GPC6: variants seen among roughly 807,000 people sequenced by gnomAD.
The protein encoded by GPC6 is glypican 6.
GPC6 carries 14 observed loss-of-function variants against 55.2 expected under a neutral mutation model. That is an observed-to-expected ratio of 0.25 (90% CI 0.17 to 0.40). The LOEUF is 0.40. Ranked by LOEUF, GPC6 falls within the 10% of genes least tolerant of loss-of-function variation. GPC6 has a pLI of 1.00. For missense variants in GPC6, 641 were observed against 708.5 expected (o/e 0.90, Z 1.08); for synonymous variants, 278 against 259.6 (o/e 1.07, Z -0.68).
intron 2 of GPC6, among the ~76,000 whole-genome samples, chr13:93,776,918 A>T (rs557149214): frequency 2.0e-5 from 3 of 152,196 alleles, no homozygotes; most frequent in Non-Finnish European, 4.4e-5. Context: ...ATGACAAACT[A>T]TACGGAACAG....
chr13:94,380,670 A>G lies in GPC6; in HGVS notation c.1153-1744A>G, dbSNP rs756909483. On this transcript the variant is annotated intron_variant, in intron 6 of 8. Transcript: ENST00000377047. ...AGCGTGTGTCTCCCAAGAGTACAGT[A>G]TTCTCCTGTGTTACCACAGTATGAT... 1.2e-4 allele frequency among the ~76,000 whole-genome samples: 18 copies of G among 152,322 alleles called. No homozygotes were observed. The East Asian group carries it at 3.1e-3, about 26-fold the overall frequency.
chr13:93,892,090 TACAC>T (rs1166159170), intron 3 of GPC6, among the ~76,000 whole-genome samples: 7 of 152,096 alleles, frequency 4.6e-5, no homozygotes, highest in African/African-American at 7.2e-5. Flanking sequence ...ACACTACACA[TACAC>T]ACATATATGG....
At chr13:93,288,302 G>A (rs963260102) in intron 1 of GPC6, among the ~76,000 whole-genome samples, 17 of 152,218 alleles carry the variant, frequency 1.1e-4, no homozygotes, top group African/African-American at 3.9e-4. Flanking sequence ...AAATCCTGAA[G>A]AAATGGGATC....
At chr13:93,652,054 A>C (rs1313026811) in intron 2 of GPC6, among the ~76,000 whole-genome samples, 6 of 152,212 alleles carry the variant, frequency 3.9e-5, no homozygotes, top group African/African-American at 1.4e-4. Flanking sequence ...GTTTAAGAAA[A>C]GTAAAACCAT....
At chr13:93,296,910 G>A (rs114265953) in intron 1 of GPC6, among the ~76,000 whole-genome samples, 349 of 152,262 alleles carry the variant, frequency 2.3e-3, no homozygotes, top group African/African-American at 7.8e-3. Context: ...CAAACATGGA[G>A]GAGCAGCCAT....
intron 1 of GPC6, among the ~76,000 whole-genome samples, chr13:93,304,575 T>A (rs1271608126): frequency 1.3e-5 from 2 of 152,224 alleles, no homozygotes; most frequent in African/African-American, 4.8e-5. Flanking sequence ...TTTCACTATG[T>A]TTTGGAGAAC....
At chr13:93,519,958 G>GT (rs1373720640) in intron 1 of GPC6, among the ~76,000 whole-genome samples, 2 of 151,922 alleles carry the variant, frequency 1.3e-5, no homozygotes, top group Non-Finnish European at 2.9e-5. Context: ...ATGAAACAGT[G>GT]TAACTATTCT....
chr13:94,152,244 A>C (rs1300122103), intron 4 of GPC6, among the ~76,000 whole-genome samples: 2 of 152,242 alleles, frequency 1.3e-5, no homozygotes, highest in East Asian at 3.9e-4. Context: ...CCAGGGATGG[A>C]TTTGCTTTAG....
intron 1 of GPC6, among the ~76,000 whole-genome samples, chr13:93,356,228 A>G (rs1210077947): frequency 6.6e-6 from 1 of 152,214 alleles, no homozygotes; most frequent in Non-Finnish European, 1.5e-5. Context: ...AATTCATACA[A>G]TTAATCTTCT....
chr13:93,708,880 C>T (rs1882948300), intron 2 of GPC6, among the ~76,000 whole-genome samples: 1 of 151,690 alleles, frequency 6.6e-6, no homozygotes, highest in Non-Finnish European at 1.5e-5. Context: ...TCATTAGTAA[C>T]ATTTGTGCTT....
intron 1 of GPC6, among the ~76,000 whole-genome samples, chr13:93,323,386 G>A (rs1362153855): frequency 1.3e-5 from 2 of 152,094 alleles, no homozygotes; most frequent in African/African-American, 2.4e-5. Context: ...CCTACCAATG[G>A]CCTCTCATAG....
intron 3 of GPC6, among the ~76,000 whole-genome samples, chr13:93,936,792 T>C (rs1314628198): frequency 3.3e-5 from 5 of 152,212 alleles, no homozygotes; most frequent in Admixed American, 6.5e-5. Context: ...ATTTTCAGAT[T>C]CTATAAATTA....
intron 6 of GPC6, among the ~76,000 whole-genome samples, chr13:94,342,425 G>A (rs1265863230): frequency 1.3e-5 from 2 of 152,126 alleles, no homozygotes; most frequent in Non-Finnish European, 2.9e-5. Context: ...GAAGAACACC[G>A]TGTAAAGACA....
chr13:93,750,316 G>A (rs1414754486), intron 2 of GPC6, among the ~76,000 whole-genome samples: 2 of 152,146 alleles, frequency 1.3e-5, no homozygotes, highest in African/African-American at 4.8e-5. Context: ...AGAATACAAG[G>A]AGCTACTGCT....
At chr13:93,308,075 G>A (rs1224802939) in intron 1 of GPC6, among the ~76,000 whole-genome samples, 4 of 152,158 alleles carry the variant, frequency 2.6e-5, no homozygotes, top group Non-Finnish European at 5.9e-5. Flanking sequence ...ACGAAGTCAG[G>A]AGATCGAGAC....
chr13:93,326,801 C>G lies in GPC6; in HGVS notation c.160+99185C>G, dbSNP rs187643169. ...CTGAAAAGTGGTAAAAAAGAGAAAA[C>G]AAAATGTCCAGCGAACATTTTTTTA... On this transcript the variant is annotated intron_variant, in intron 1 of 8. Coordinates refer to ENST00000377047, the MANE Select transcript of GPC6 (RefSeq NM_005708.5). 8.8e-3 allele frequency among the ~76,000 whole-genome samples: 1,333 copies of G among 152,156 alleles called. 25 individuals carry two copies. Among genetic ancestry groups the G allele is most frequent in the African/African-American group, 0.031 (1,288 of 41,510 alleles).
At chr13:94,287,730 T>A (rs1279688377) in intron 5 of GPC6, among the ~76,000 whole-genome samples, 1 of 152,198 alleles carries the variant, frequency 6.6e-6, no homozygotes, top group Non-Finnish European at 1.5e-5. Context: ...TTTCTTTCTT[T>A]CCTGTGGAAA....
intron 2 of GPC6, among the ~76,000 whole-genome samples, chr13:93,693,461 C>CTGTGTGTG (rs35459356): frequency 0.034 from 4,788 of 139,366 alleles, 120 homozygotes; most frequent in Middle Eastern, 0.065. Flanking sequence ...GTATGTATAT[C>CTGTGTGTG]TGTGTGTGTG....
At chr13:93,285,640 G>GTGTGTGTGTGTA (rs1555287709) in intron 1 of GPC6, among the ~76,000 whole-genome samples, 7 of 151,312 alleles carry the variant, frequency 4.6e-5, no homozygotes, top group African/African-American at 1.5e-4. Context: ...GTGTGTGTGT[G>GTGTGTGTGTGTA]TGTGTGTGTG....
Sources: gnomAD v4.1 joint callset for allele counts (sites outside exome capture counted in the v4.1 genomes callset) on GRCh38, gnomAD v4.1.1 for gene constraint, MANE v1.5 for transcripts, NCBI Gene and HGNC (gene_info 2026-07-23, HGNC 2026-07-21) for gene names.